The following PHRF1 variants were observed in gnomAD, a reference collection of about 807,000 sequenced individuals.
PHRF1 encodes PHD and ring finger domains 1.
PHRF1 carries 53 observed loss-of-function variants against 128.9 expected under a neutral mutation model. That is an observed-to-expected ratio of 0.41 (90% CI 0.33 to 0.52). The LOEUF (loss-of-function observed/expected upper bound fraction) is 0.52. PHRF1 is among the 20% of genes least tolerant of loss of function. The pLI, the probability that PHRF1 is intolerant of heterozygous loss-of-function variation, is 0.21. For missense variants in PHRF1, 2,503 were observed against 2,284.5 expected (o/e 1.10, Z -1.95); for synonymous variants, 1,178 against 980.6 (o/e 1.20, Z -3.76).
chr11:611,706 T>C lies in PHRF1; in HGVS notation c.4879T>C (p.Tyr1627His). The change falls in exon 18 of 18, where the codon TAC (tyrosine) becomes CAC (histidine). Residue 1627 changes from tyrosine (Y) to histidine (H), a missense_variant. Coordinates refer to ENST00000264555, the MANE Select transcript of PHRF1 (RefSeq NM_001286581.2). The stretch of plus-strand genomic sequence containing the variant: ...CCTGGTGAAGGCGTACGTGGACAAG[T>C]ACAGGCACATGCGCAGGCACAAGAA... ...ANLVKAYVDK[Y>H]RHMRRHKKPE... 6.2e-7 allele frequency: 1 copy of C among 1,613,028 alleles called. No individual in the cohort carries two copies. Among genetic ancestry groups the C allele is most frequent in the South Asian group, 1.1e-5 (1 of 91,088 alleles).
At position 607,063 on chromosome 11, in the gene PHRF1, T is replaced by C; in HGVS notation, c.1610-3T>C. The C allele has an allele frequency of 6.5e-7, 1 of 1,549,374 alleles. No individual in the cohort carries two copies. Among genetic ancestry groups the C allele is most frequent in the Non-Finnish European group, 8.7e-7 (1 of 1,147,344 alleles). On this transcript the variant is annotated splice_region_variant and splice_polypyrimidine_tract_variant and intron_variant, in intron 13 of 17. Transcript: ENST00000264555. ...GATTGCCATTGACTTTTTTGTTTTT[T>C]AGCTCCAGTTTCTTTTCAGCGAAAC...
intron 14 of PHRF1, among the ~76,000 whole-genome samples, 156 bp downstream of exon 14, chr11:609,876 C>T (rs951242204): frequency 1.3e-5 from 2 of 151,620 alleles, no homozygotes; most frequent in Non-Finnish European, 2.9e-5. Context: ...AGAACAGAGC[C>T]CCCTGTGAAT....
Position 610,764 on chromosome 11 carries a change from G to A in PHRF1, c.4677+3G>A, listed in dbSNP as rs778584754. On this transcript the variant is annotated splice_donor_region_variant and intron_variant, in intron 16 of 17. Coordinates refer to ENST00000264555, the MANE Select transcript of PHRF1 (RefSeq NM_001286581.2). ...CGGAGAAAACCAAGAAGGAGGAGGT[G>A]AGTCCTGCCTCCTCCCACTTTCCCC... 16 of 1,600,256 alleles carry A rather than the reference G, an allele frequency of 1.0e-5. No homozygotes were observed. Among genetic ancestry groups the A allele is most frequent in the Middle Eastern group, 1.6e-4 (1 of 6,082 alleles).
intron 6 of PHRF1, among the ~76,000 whole-genome samples, chr11:593,985 G>T (rs1482696481): frequency 2.0e-5 from 3 of 152,248 alleles, no homozygotes; most frequent in Admixed American, 2.0e-4. Flanking sequence ...GTTGGTTGCT[G>T]TGAGTCTGAA....
Position 608,684 on chromosome 11 carries a change from G to A in PHRF1, c.3228G>A (p.Glu1076=). Residue 1076 remains glutamate (E), a synonymous_variant, in exon 14 of 18, where the codon GAG becomes GAA. Transcript: ENST00000264555. The part of the protein sequence containing the change: ...KRKKAKDKSR[E]HRRGPWGHSR... ...AGAAAGCCAAGGACAAGAGCAGGGAGCACAGGCGGGGCCCCTGGGGCCACA... is the reference window on the plus strand; with the variant it reads ...AGAAAGCCAAGGACAAGAGCAGGGAACACAGGCGGGGCCCCTGGGGCCACA... 2 of 1,612,232 alleles carry A rather than the reference G, an allele frequency of 1.2e-6. No individual in the cohort carries two copies. The highest frequency in any genetic ancestry group is 8.5e-7 in the Non-Finnish European group (1 of 1,179,720).
Position 611,979 on chromosome 11 carries a change from T to C in PHRF1, c.*202T>C. On this transcript the variant is annotated 3_prime_UTR_variant, in exon 18 of 18. Transcript: ENST00000264555. Reference sequence around the variant, plus strand: ...GTCTGTGCACCTGTGTTGCTCACAGTTGAAAACTGGACACTTTTGTATGTA... The same window carrying C: ...GTCTGTGCACCTGTGTTGCTCACAGCTGAAAACTGGACACTTTTGTATGTA... The C allele has an allele frequency of 1.3e-6, 1 of 756,458 alleles. No individual in the cohort carries two copies. Among genetic ancestry groups the C allele is most frequent in the Admixed American group, 3.0e-5 (1 of 33,616 alleles). The allele number at this position is 756,458 out of a possible 1,614,324, so 46.9% of individuals were successfully genotyped here.
chr11:601,253 C>T (rs1490307297), intron 9 of PHRF1, among the ~76,000 whole-genome samples: 1 of 151,308 alleles, frequency 6.6e-6, no homozygotes, highest in South Asian at 2.1e-4. Context: ...GCCTGGGCAA[C>T]ATGATAAGCC....
chr11:603,696 AATAC>A (rs1257876975), intron 10 of PHRF1, among the ~76,000 whole-genome samples: 1 of 150,372 alleles, frequency 6.7e-6, no homozygotes, highest in Non-Finnish European at 1.5e-5. Context: ...AAACTCATAT[AATAC>A]ATATTTATCT....
intron 10 of PHRF1, among the ~76,000 whole-genome samples, chr11:602,480 A>G (rs993971307): frequency 2.6e-5 from 4 of 151,934 alleles, no homozygotes; most frequent in African/African-American, 9.7e-5. Flanking sequence ...CAGGAGTTCA[A>G]GGCCAGCCTG....
chr11:581,645 G>A, intron 2 of PHRF1, 39 bp downstream of exon 2: 1 of 1,561,426 alleles, frequency 6.4e-7, no homozygotes, highest in Non-Finnish European at 8.7e-7. Flanking sequence ...TCCCCAGGAG[G>A]AGCAGGGTGC....
At chr11:604,032 G>A (rs1467414007) in intron 10 of PHRF1, among the ~76,000 whole-genome samples, 9 of 152,026 alleles carry the variant, frequency 5.9e-5, no homozygotes, top group Admixed American at 5.9e-4. Flanking sequence ...TGCATTATTC[G>A]AACATCCGAT....
At position 609,095 on chromosome 11, in the gene PHRF1, G is replaced by C. The variant is rs758006045; in HGVS notation, c.3639G>C (p.Arg1213=). 2.5e-6 allele frequency: 4 copies of C among 1,604,472 alleles called. No individual in the cohort carries two copies. The South Asian group carries it at 3.3e-5, about 13-fold the overall frequency. ...PAPLAQGEPG[R]EDLPTRLPAL... ...CCCTTGCACAGGGGGAGCCAGGGCG[G>C]GAAGACCTCCCCACCAGGTTGCCAG... The change falls in exon 14 of 18, where the codon CGG becomes CGC. Residue 1213 remains arginine (R), a synonymous_variant. Coordinates refer to ENST00000264555, the MANE Select transcript of PHRF1 (RefSeq NM_001286581.2).
chr11:611,867 T>A lies in PHRF1; in HGVS notation c.*90T>A. The A allele has an allele frequency of 6.7e-7, 1 of 1,484,830 alleles. No homozygotes were observed. Among genetic ancestry groups the A allele is most frequent in the Non-Finnish European group, 8.9e-7 (1 of 1,120,582 alleles). The allele number at this position is 1,484,830 out of a possible 1,614,324, so 92.0% of individuals were successfully genotyped here. A position where few individuals can be genotyped will look rare whatever the true frequency, so the allele number is the denominator to read the frequency against. ...GGGGAGCTGTCGGGAGTGGCGGGAA[T>A]CGGGGCCATGCCCGGGGAGCTGTCG... On this transcript the variant is annotated 3_prime_UTR_variant, in exon 18 of 18. Transcript: ENST00000264555.
chr11:609,570 C>T lies in PHRF1; in HGVS notation c.4114C>T (p.Pro1372Ser), dbSNP rs771691731. The T allele has an allele frequency of 1.3e-6, 2 of 1,599,042 alleles. No individual in the cohort carries two copies. Among genetic ancestry groups the T allele is most frequent in the East Asian group, 2.3e-5 (1 of 44,320 alleles). Residue 1372 changes from proline (P) to serine (S), a missense_variant, in exon 14 of 18, where the codon CCC (proline) becomes TCC (serine). Pro to Ser is a moderately conservative substitution (Grantham distance 74). Coordinates refer to ENST00000264555, the MANE Select transcript of PHRF1 (RefSeq NM_001286581.2). ...DVAPAGKEDS[P>S]SASGRVQEAA... ...GGCGCCTGCGGGGAAGGAAGACAGC[C>T]CCTCTGCGAGTGGGAGGGTACAGGA...
chr11:591,351 A>G lies in PHRF1; in HGVS notation c.421-33A>G, dbSNP rs373983003. The G allele has an allele frequency of 1.2e-5, 18 of 1,561,024 alleles. No individual in the cohort carries two copies. The South Asian group carries it at 2.1e-4, about 18-fold the overall frequency. On this transcript the variant is annotated intron_variant, in intron 4 of 17. Coordinates refer to ENST00000264555, the MANE Select transcript of PHRF1 (RefSeq NM_001286581.2). ...TTTGATCTCTAAGTGAAAGTGATTG[A>G]CAAGATTCTGATCCTGTTTTTATTT...
chr11:586,955 CCTGCCTCTCGAGGT>C (rs1180656610), intron 3 of PHRF1, among the ~76,000 whole-genome samples: 1 of 152,150 alleles, frequency 6.6e-6, no homozygotes, highest in Non-Finnish European at 1.5e-5. Context: ...CCAGGGCTGC[CCTGCCTCTCGAGGT>C]CTGCCTCAGC....
chr11:605,458 G>C, intron 11 of PHRF1, 147 bp from the exon 12 acceptor site: 3 of 1,467,828 alleles, frequency 2.0e-6, no homozygotes, highest in Non-Finnish European at 2.8e-6. Context: ...GGGTGGCGTG[G>C]AACTCAGAGG....
chr11:596,024 C>T (rs1188650796), intron 6 of PHRF1, among the ~76,000 whole-genome samples: 1 of 152,204 alleles, frequency 6.6e-6, no homozygotes, highest in Non-Finnish European at 1.5e-5. Flanking sequence ...CTCATAGGTG[C>T]AGGACTCTTG....
At chr11:588,440 C>A (rs996240223) in intron 4 of PHRF1, among the ~76,000 whole-genome samples, 1 of 151,688 alleles carries the variant, frequency 6.6e-6, no homozygotes, top group Non-Finnish European at 1.5e-5. Context: ...AGTGCAATGG[C>A]GCGATCTTGG....
Sources: gnomAD v4.1 joint callset for allele counts (sites outside exome capture counted in the v4.1 genomes callset) on GRCh38, gnomAD v4.1.1 for gene constraint, MANE v1.5 for transcripts, NCBI Gene and HGNC (gene_info 2026-07-23, HGNC 2026-07-21) for gene names.